PARG: variants seen among roughly 807,000 people sequenced by gnomAD.
PARG encodes mitochondrial poly(ADP-ribose) glycohydrolase.
A neutral mutation model predicts 113.0 loss-of-function variants in PARG; 35 were observed. That is an observed-to-expected ratio of 0.31 (90% CI 0.24 to 0.41). The LOEUF (loss-of-function observed/expected upper bound fraction) is 0.41, where lower values mean the gene tolerates loss of function less well. PARG is among the 10% of genes least tolerant of loss of function. The probability of loss-of-function intolerance (pLI) is 1.00; values close to 1 mark genes in which losing one functional copy is unlikely to be tolerated. For synonymous variants in PARG, 330 were observed against 409.9 expected (o/e 0.81, Z 2.36); for missense variants, 797 against 1,169.4 (o/e 0.68, Z 4.64).
intron 7 of PARG, among the ~76,000 whole-genome samples, chr10:49,903,968 G>T (rs544082066): frequency 7.8e-4 from 119 of 152,282 alleles, no homozygotes; most frequent in South Asian, 4.8e-3. Context: ...ACTGCACACA[G>T]GGGTCGACTA....
At position 49,831,539 on chromosome 10, in the gene PARG, C is replaced by T. The variant is rs563799144; in HGVS notation, c.2647+1264G>A. ...AATGAGGCGATTCAGATTGCACATC[C>T]GGGAGTCAGGGGAGGGCAGAGACCG... On this transcript the variant is annotated intron_variant, in intron 16 of 17. Coordinates refer to ENST00000616448, the MANE Select transcript of PARG (RefSeq NM_003631.5). Among the ~76,000 whole-genome samples, 9 of 152,154 alleles carry T rather than the reference C, an allele frequency of 5.9e-5. No individual in the cohort carries two copies. The South Asian group carries it at 1.2e-3, about 21-fold the overall frequency.
chr10:49,922,249 T>G, intron 6 of PARG, 87 bp downstream of exon 6: 3 of 1,377,254 alleles, frequency 2.2e-6, no homozygotes. Context: ...TAAACAATGT[T>G]GCTACCTGAG....
At chr10:49,885,110 C>T (rs190260508) in intron 8 of PARG, 93 bp downstream of exon 8, 2 of 780,382 alleles carry the variant, frequency 2.6e-6, no homozygotes, top group African/African-American at 1.7e-5. Flanking sequence ...CTCTGTCTCT[C>T]TCTCTCTCTC....
intron 10 of PARG, among the ~76,000 whole-genome samples, chr10:49,868,348 TC>T (rs1385186482): frequency 6.6e-6 from 1 of 152,156 alleles, no homozygotes; most frequent in Non-Finnish European, 1.5e-5. Context: ...GTCTCATAGG[TC>T]CAAATGATTC....
intron 16 of PARG, among the ~76,000 whole-genome samples, chr10:49,822,387 GA>G (rs1210203698): frequency 7.2e-5 from 11 of 152,170 alleles, no homozygotes; most frequent in African/African-American, 2.4e-4. Context: ...GATTTCTCAA[GA>G]AGTGCTTAAT....
At chr10:49,847,624 T>A (rs1415688361) in intron 13 of PARG, among the ~76,000 whole-genome samples, 1 of 151,270 alleles carries the variant, frequency 6.6e-6, no homozygotes, top group Non-Finnish European at 1.5e-5. Context: ...TACCAAGGTG[T>A]GAGCCTGGAC....
chr10:49,901,270 C>T (rs1451882740), intron 7 of PARG, among the ~76,000 whole-genome samples: 4 of 151,416 alleles, frequency 2.6e-5, no homozygotes, highest in Non-Finnish European at 1.5e-5. Context: ...GCTACCACAC[C>T]CAGCTAATTT....
intron 4 of PARG, among the ~76,000 whole-genome samples, chr10:49,927,966 T>TA (rs76592852): frequency 0.015 from 1,952 of 128,692 alleles, 10 homozygotes; most frequent in African/African-American, 0.027. Context: ...CCTGTCTCTT[T>TA]AAAAAAAAAA....
rs1554910386 is a variant in PARG, at chr10:49,933,404, G to A, written c.1044C>T (p.Asp348=). The A allele has an allele frequency of 1.3e-4, 216 of 1,613,180 alleles. 2 individuals are homozygous for A. Among genetic ancestry groups the A allele is most frequent in the South Asian group, 9.2e-4 (84 of 91,044 alleles). Residue 348 remains aspartate (D), a synonymous_variant, in exon 3 of 18, where the codon GAC becomes GAT. Coordinates refer to ENST00000616448, the MANE Select transcript of PARG (RefSeq NM_003631.5). ...ANKPSRFQAR[D]ADIEFRKRYS... is the part of the protein sequence containing the mutation. ...ACCGTTTCCTAAATTCAATGTCAGC[G>A]TCTCTTGCTTGGAACCTTGAAGGTT...
intron 2 of PARG, 47 bp from the exon 3 acceptor site, chr10:49,934,210 G>T (rs1339910158): frequency 3.8e-6 from 3 of 789,700 alleles, no homozygotes; most frequent in Non-Finnish European, 6.4e-6. Context: ...ATACAAAAAA[G>T]TCACTTATCC....
chr10:49,869,638 A>T, intron 9 of PARG, 83 bp from the exon 10 acceptor site: 1 of 649,736 alleles, frequency 1.5e-6, no homozygotes, highest in Non-Finnish European at 2.8e-6. Context: ...ATTGCTACCA[A>T]GTAATACAAA....
chr10:49,921,702 T>C (rs1427826482), intron 6 of PARG, among the ~76,000 whole-genome samples: 4 of 151,932 alleles, frequency 2.6e-5, no homozygotes, highest in Admixed American at 2.0e-4. Context: ...TTTATATTTA[T>C]AAAAACATGA....
intron 4 of PARG, among the ~76,000 whole-genome samples, chr10:49,925,330 AC>A (rs1838096769): frequency 6.6e-6 from 1 of 152,064 alleles, no homozygotes; most frequent in South Asian, 2.1e-4. Context: ...GTCTTTAGAA[AC>A]CCTTCTTAAC....
intron 16 of PARG, among the ~76,000 whole-genome samples, chr10:49,829,797 A>G (rs1844567759): frequency 6.6e-6 from 1 of 152,216 alleles, no homozygotes; most frequent in Non-Finnish European, 1.5e-5. Flanking sequence ...TTTATATGGC[A>G]TACATTGGGT....
intron 16 of PARG, among the ~76,000 whole-genome samples, chr10:49,823,955 G>A (rs11599492): frequency 0.19 from 28,943 of 152,054 alleles, 3,294 homozygotes; most frequent in Non-Finnish European, 0.27. Context: ...TGTACCATAA[G>A]CACGTGTTAG....
At position 49,819,350 on chromosome 10, in the gene PARG, G is replaced by A. The variant is rs34026015; in HGVS notation, c.2921C>T (p.Thr974Ile). ...AETADHSGQR[T>I]GT is the part of the protein sequence containing the mutation. Reference sequence around the variant, plus strand: ...TATTCGCTCGGCTCCTCAGGTCCCTGTCCTTTGCCCTGAATGGTCAGCGGT... The same window carrying A: ...TATTCGCTCGGCTCCTCAGGTCCCTATCCTTTGCCCTGAATGGTCAGCGGT... Residue 974 changes from threonine to isoleucine, a missense_variant, in exon 18 of 18, where the codon ACA becomes ATA. Thr to Ile is a moderately conservative substitution (Grantham distance 89). Transcript: ENST00000616448. 3.4e-5 allele frequency: 52 copies of A among 1,551,172 alleles called. No homozygotes were observed. In the African/African-American group the frequency reaches 7.0e-4, roughly 21 times the overall value.
intron 13 of PARG, among the ~76,000 whole-genome samples, chr10:49,848,201 T>C (rs1403063900): frequency 2.2e-5 from 3 of 138,098 alleles, no homozygotes; most frequent in Non-Finnish European, 4.7e-5. Flanking sequence ...ATACAAAAAT[T>C]ATCTGGGCGT....
chr10:49,885,011 T>C (rs2132650922), intron 8 of PARG, among the ~76,000 whole-genome samples, 192 bp downstream of exon 8: 1 of 151,080 alleles, frequency 6.6e-6, no homozygotes, highest in South Asian at 2.1e-4. Context: ...TTTTCCTTAA[T>C]ACAGCAAAAT....
intron 12 of PARG, among the ~76,000 whole-genome samples, chr10:49,859,256 TG>T (rs1846141087): frequency 6.9e-6 from 1 of 143,968 alleles, no homozygotes; most frequent in Non-Finnish European, 1.5e-5. Context: ...GGTGATGAGG[TG>T]GTCTGAGGTC....
Sources: gnomAD v4.1 joint callset for allele counts (sites outside exome capture counted in the v4.1 genomes callset) on GRCh38, gnomAD v4.1.1 for gene constraint, MANE v1.5 for transcripts, NCBI Gene and HGNC (gene_info 2026-07-23, HGNC 2026-07-21) for gene names.